The following SLC25A48 variants were observed in gnomAD, a reference collection of about 807,000 sequenced individuals.
SLC25A48 encodes the protein CTC-321K16.1.
Under a neutral mutation model 32.2 loss-of-function variants are expected in SLC25A48, and 29 were observed. That is an observed-to-expected ratio of 0.90 (90% CI 0.67 to 1.23). The LOEUF is 1.23. Ranked by LOEUF, SLC25A48 falls within the 50% of genes most tolerant of loss-of-function variation. The pLI is 0.00. For missense variants in SLC25A48, 399 were observed against 422.7 expected, an observed-to-expected ratio of 0.94 and a Z score of 0.49; for synonymous variants, 164 against 172.3, an observed-to-expected ratio of 0.95 and a Z score of 0.38.
intron 3 of SLC25A48, among the ~76,000 whole-genome samples, chr5:135,804,679 T>G (rs2126645897): frequency 6.6e-6 from 1 of 151,714 alleles, no homozygotes; most frequent in South Asian, 2.1e-4. Context: ...CCTTCTAATA[T>G]CACAGTGTGT....
At chr5:135,860,705 C>G (rs1427182556) in intron 4 of SLC25A48, among the ~76,000 whole-genome samples, 9 of 152,136 alleles carry the variant, frequency 5.9e-5, no homozygotes, top group Non-Finnish European at 1.3e-4. Context: ...TGGGTCAGTC[C>G]CAATCCATGT....
intron 3 of SLC25A48, among the ~76,000 whole-genome samples, chr5:135,710,249 T>C (rs1754621212): frequency 6.6e-6 from 1 of 152,236 alleles, no homozygotes; most frequent in South Asian, 2.1e-4. Context: ...TTGCAGTCTG[T>C]ATGTACTCAT....
chr5:135,733,418 C>A (rs1016728741), intron 3 of SLC25A48, among the ~76,000 whole-genome samples: 2 of 151,958 alleles, frequency 1.3e-5, no homozygotes, highest in Admixed American at 6.6e-5. Flanking sequence ...GAAGTCCGGG[C>A]CTGGAACAAT....
chr5:135,667,243 G>A (rs1753545554), intron 3 of SLC25A48, among the ~76,000 whole-genome samples: 1 of 152,096 alleles, frequency 6.6e-6, no homozygotes, highest in African/African-American at 2.4e-5. Flanking sequence ...TTGTGAAATG[G>A]GATATACAAA....
intron 3 of SLC25A48, chr5:135,654,000 G>C (rs1753181659): frequency 1.1e-5 from 5 of 439,960 alleles, no homozygotes; most frequent in Non-Finnish European, 1.8e-5. Context: ...CTGCCATATA[G>C]AGCCCCTGTT....
chr5:135,802,328 G>T lies in SLC25A48; in HGVS notation c.-520-10195G>T, dbSNP rs192093502. On this transcript the variant is annotated intron_variant, in intron 3 of 10. Transcript: ENST00000646290. Reference sequence around the variant, plus strand: ...TACTATCACAGTGGGTATACACCATGTGTGTAGACCCTATGATATTATTTG... The same window carrying T: ...TACTATCACAGTGGGTATACACCATTTGTGTAGACCCTATGATATTATTTG... Among the ~76,000 whole-genome samples, 15 of 151,674 alleles carry T rather than the reference G, an allele frequency of 9.9e-5. No individual in the cohort carries two copies. The East Asian group carries it at 2.9e-3, about 29-fold the overall frequency.
chr5:135,752,961 T>A (rs1384480827), intron 3 of SLC25A48, among the ~76,000 whole-genome samples: 2 of 151,928 alleles, frequency 1.3e-5, no homozygotes, highest in Admixed American at 1.3e-4. Flanking sequence ...ATATTTTACA[T>A]AATATCACAG....
intron 3 of SLC25A48, among the ~76,000 whole-genome samples, chr5:135,709,589 C>T (rs1179811219): frequency 6.6e-6 from 1 of 152,214 alleles, no homozygotes; most frequent in Non-Finnish European, 1.5e-5. Context: ...GGACCACATC[C>T]CAGAGGCACT....
At chr5:135,647,850 AG>A (rs1309295794) in intron 3 of SLC25A48, among the ~76,000 whole-genome samples, 1 of 152,146 alleles carries the variant, frequency 6.6e-6, no homozygotes, top group Non-Finnish European at 1.5e-5. Context: ...CTTGGAGTTT[AG>A]GCCTCTTCTC....
At chr5:135,637,101 AGT>A (rs1752722914) in intron 3 of SLC25A48, among the ~76,000 whole-genome samples, 1 of 152,240 alleles carries the variant, frequency 6.6e-6, no homozygotes, top group African/African-American at 2.4e-5. Context: ...ATGCACAGTG[AGT>A]TAAACTGACC....
intron 1 of SLC25A48, among the ~76,000 whole-genome samples, chr5:135,596,467 G>A (rs1301592619): frequency 6.6e-6 from 1 of 152,206 alleles, no homozygotes; most frequent in Non-Finnish European, 1.5e-5. Flanking sequence ...CCCCATACCT[G>A]TCAAGACCGA....
intron 3 of SLC25A48, among the ~76,000 whole-genome samples, chr5:135,757,135 T>C (rs992159672): frequency 1.4e-4 from 21 of 150,242 alleles, no homozygotes; most frequent in Admixed American, 7.3e-4. Context: ...TAACACACCA[T>C]GATATGAATG....
intron 3 of SLC25A48, among the ~76,000 whole-genome samples, chr5:135,665,765 G>GA (rs10648621): frequency 9.5e-5 from 14 of 148,090 alleles, no homozygotes; most frequent in South Asian, 2.1e-4. Flanking sequence ...TATTCTTTTT[G>GA]AAAAAAAAAA....
In SLC25A48 at chr5:135,884,545, G is replaced by A. The variant is rs141288285; in HGVS notation, c.*8-3487G>A. Among the ~76,000 whole-genome samples the A allele has an allele frequency of 3.3e-5, 5 of 152,252 alleles. No individual in the cohort carries two copies. The East Asian group carries it at 7.7e-4, about 24-fold the overall frequency. ...GGGACAGCCATGAGGGACTCCAGTG[G>A]CATGTCATTCTGGTGCATTGGAGAG... On this transcript the variant is annotated intron_variant, in intron 7 of 7. Transcript: ENST00000681962.
intron 3 of SLC25A48, among the ~76,000 whole-genome samples, chr5:135,730,649 G>C (rs184882963): frequency 6.6e-6 from 1 of 152,224 alleles, no homozygotes; most frequent in Non-Finnish European, 1.5e-5. Context: ...CTGGGTAACA[G>C]GCAGAGGTTG....
chr5:135,608,576 C>T (rs1751994363), intron 1 of SLC25A48, among the ~76,000 whole-genome samples: 1 of 152,226 alleles, frequency 6.6e-6, no homozygotes, highest in South Asian at 2.1e-4. Flanking sequence ...TGTCTTCTCC[C>T]CCTTCCAGCC....
At chr5:135,851,151 A>G (rs1365442468) in intron 3 of SLC25A48, among the ~76,000 whole-genome samples, 5 of 152,210 alleles carry the variant, frequency 3.3e-5, no homozygotes, top group Non-Finnish European at 7.4e-5. Context: ...TCCCTGAGTC[A>G]CTGGAAATGT....
chr5:135,657,555 C>T (rs545171107), intron 3 of SLC25A48, among the ~76,000 whole-genome samples: 9 of 152,296 alleles, frequency 5.9e-5, no homozygotes, highest in African/African-American at 1.7e-4. Flanking sequence ...GGGGAACTGT[C>T]GTTTACAGAC....
chr5:135,684,479 C>T (rs1753972272), intron 3 of SLC25A48, among the ~76,000 whole-genome samples: 1 of 152,136 alleles, frequency 6.6e-6, no homozygotes, highest in Admixed American at 6.5e-5. Context: ...ATTGCAGTCT[C>T]GACAGAGGCC....
Sources: allele counts gnomAD v4.1 joint callset (sites outside exome capture counted in the v4.1 genomes callset), GRCh38; gene constraint gnomAD v4.1.1; transcripts MANE v1.5; gene names NCBI Gene and HGNC (gene_info 2026-07-23, HGNC 2026-07-21).